CNTN5: variants seen among roughly 807,000 people sequenced by gnomAD.
The protein encoded by CNTN5 is contactin 5, also known as contactin-5.
Under a neutral mutation model 129.1 loss-of-function variants are expected in CNTN5, and 77 were observed. The observed-to-expected ratio is 0.60, with a 90% confidence interval of 0.50 to 0.72. The LOEUF is 0.72. CNTN5 is among the 30% of genes least tolerant of loss of function. CNTN5 has a pLI of 0.00. For synonymous variants in CNTN5, 509 were observed against 465.6 expected (o/e 1.09, Z -1.20); for missense variants, 1,478 against 1,328.8 (o/e 1.11, Z -1.75).
At position 99,348,894 on chromosome 11, in the gene CNTN5, A is replaced by G. The variant is rs79606043; in HGVS notation, c.-71+23410A>G. 7.0e-3 allele frequency among the ~76,000 whole-genome samples: 1,063 copies of G among 152,342 alleles called. 12 individuals carry two copies. Among genetic ancestry groups the G allele is most frequent in the African/African-American group, 0.023 (938 of 41,588 alleles). ...CATGTGTTCAATCATTGATACGTGC[A>G]TTCCACAAATACATACTGAGCACTC... On this transcript the variant is annotated intron_variant, in intron 2 of 24. Transcript: ENST00000524871.
intron 3 of CNTN5, among the ~76,000 whole-genome samples, chr11:99,618,268 TA>T (rs1168183151): frequency 6.6e-6 from 1 of 152,164 alleles, no homozygotes; most frequent in Non-Finnish European, 1.5e-5. Flanking sequence ...CACATTAATA[TA>T]AAAATTGTTG....
intron 7 of CNTN5, among the ~76,000 whole-genome samples, chr11:99,934,462 AAT>A (rs1162255949): frequency 2.0e-5 from 3 of 152,128 alleles, no homozygotes; most frequent in African/African-American, 7.2e-5. Flanking sequence ...AAAAGCAATC[AAT>A]ATATATATAA....
intron 6 of CNTN5, among the ~76,000 whole-genome samples, chr11:99,900,187 CT>C (rs71050031): frequency 1.5e-3 from 210 of 144,194 alleles, no homozygotes; most frequent in Middle Eastern, 7.2e-3. Flanking sequence ...TTCTTTTTAT[CT>C]TTTTTTTTTT....
intron 2 of CNTN5, among the ~76,000 whole-genome samples, chr11:99,338,506 C>CT (rs907202324): frequency 6.6e-6 from 1 of 151,986 alleles, no homozygotes; most frequent in Non-Finnish European, 1.5e-5. Context: ...TTGGGGATAA[C>CT]TTTTTTTGTT....
Position 99,358,999 on chromosome 11 carries a change from C to T in CNTN5, c.-71+33515C>T, listed in dbSNP as rs181893596. ...AAGTGGAAAATTTTGTTTTATATTT[C>T]AGTGTTACATTTCTTGTTGAACATT... On this transcript the variant is annotated intron_variant, in intron 2 of 24. Transcript: ENST00000524871. 2.2e-3 allele frequency among the ~76,000 whole-genome samples: 335 copies of T among 152,268 alleles called. 3 individuals carry two copies. Among genetic ancestry groups the T allele is most frequent in the African/African-American group, 7.6e-3 (315 of 41,568 alleles).
Position 100,320,666 on chromosome 11 carries a change from C to T in CNTN5, c.2730+12198C>T, listed in dbSNP as rs542975321. Among the ~76,000 whole-genome samples the T allele has an allele frequency of 3.9e-5, 6 of 152,098 alleles. No individual in the cohort carries two copies. The East Asian group carries it at 1.2e-3, about 29-fold the overall frequency. On this transcript the variant is annotated intron_variant, in intron 21 of 24. Coordinates refer to ENST00000524871, the MANE Select transcript of CNTN5 (RefSeq NM_014361.4). ...GTCATAGAGCTTTTCTCTACATTTT[C>T]TTCTAGTAGTTTTACAGTTTTATAT...
rs553507048 is a variant in CNTN5 at position 99,984,880 on chromosome 11, C to T, written c.878-17154C>T. Among the ~76,000 whole-genome samples, 8 of 152,262 alleles carry T rather than the reference C, an allele frequency of 5.3e-5. No homozygotes were observed. In the East Asian group the frequency reaches 1.5e-3, roughly 29 times the overall value. Reference sequence around the variant, plus strand: ...CTTTGTCAGACTTGCAACAGGGGCGCCCCGTTTACTCGGCCCACTGTGCTC... The same window carrying T: ...CTTTGTCAGACTTGCAACAGGGGCGTCCCGTTTACTCGGCCCACTGTGCTC... On this transcript the variant is annotated intron_variant, in intron 8 of 24. Coordinates refer to ENST00000524871, the MANE Select transcript of CNTN5 (RefSeq NM_014361.4).
chr11:99,089,367 A>G (rs1866140720), intron 1 of CNTN5, among the ~76,000 whole-genome samples: 1 of 152,236 alleles, frequency 6.6e-6, no homozygotes, highest in Non-Finnish European at 1.5e-5. Context: ...ATATAACTAT[A>G]AGCACTTTAT....
rs774797660 is a variant in CNTN5, at chr11:99,382,844, A to ATTTTTTTTTTTTTTTT, written c.-71+57360_-71+57361insTTTTTTTTTTTTTTTT. Among the ~76,000 whole-genome samples the ATTTTTTTTTTTTTTTT allele has an allele frequency of 5.6e-4, 39 of 69,394 alleles. 1 individual carries two copies. Among genetic ancestry groups the ATTTTTTTTTTTTTTTT allele is most frequent in the African/African-American group, 2.1e-3 (29 of 13,990 alleles). The allele number at this position is 69,394 out of a possible 152,430, so 45.5% of individuals were successfully genotyped here. The stretch of plus-strand genomic sequence containing the variant: ...CACATCTCACTAGTGTCTCTAAATA[A>ATTTTTTTTTTTTTTTT]CTTTTTTTTTTTTTTTTTTTTTTTT... On this transcript the variant is annotated intron_variant, in intron 2 of 24. Coordinates refer to ENST00000524871, the MANE Select transcript of CNTN5 (RefSeq NM_014361.4).
intron 3 of CNTN5, among the ~76,000 whole-genome samples, chr11:99,726,120 C>A (rs777553470): frequency 1.2e-4 from 19 of 152,130 alleles, no homozygotes; most frequent in Non-Finnish European, 2.6e-4. Context: ...TATCTCCTCT[C>A]CCTCTATCTC....
chr11:100,258,397 A>G (rs1019974427), intron 17 of CNTN5, among the ~76,000 whole-genome samples: 1 of 152,220 alleles, frequency 6.6e-6, no homozygotes, highest in Non-Finnish European at 1.5e-5. Flanking sequence ...TCCCCAACCT[A>G]GGAAGACAGG....
At chr11:99,805,802 T>TTAGCC (rs1946251627) in intron 3 of CNTN5, among the ~76,000 whole-genome samples, 1 of 152,184 alleles carries the variant, frequency 6.6e-6, no homozygotes, top group Non-Finnish European at 1.5e-5. Context: ...TCATTGAGCC[T>TTAGCC]TAGCCACTGA....
chr11:99,764,511 A>G (rs997363436), intron 3 of CNTN5, among the ~76,000 whole-genome samples: 15 of 151,976 alleles, frequency 9.9e-5, no homozygotes, highest in Non-Finnish European at 1.2e-4. Flanking sequence ...CACCTCCCAG[A>G]TTCAAGGGAT....
intron 3 of CNTN5, among the ~76,000 whole-genome samples, chr11:99,756,545 G>C (rs762108655): frequency 1.1e-4 from 16 of 152,066 alleles, no homozygotes; most frequent in Non-Finnish European, 2.2e-4. Flanking sequence ...TCCCTGCTAA[G>C]ATCACTAGAA....
At chr11:99,440,905 G>A (rs1943802054) in intron 2 of CNTN5, among the ~76,000 whole-genome samples, 1 of 152,134 alleles carries the variant, frequency 6.6e-6, no homozygotes, top group African/African-American at 2.4e-5. Context: ...ACTAATTACG[G>A]TGAACTGATT....
Position 99,056,200 on chromosome 11 carries a change from T to A in CNTN5, c.-210+34930T>A, listed in dbSNP as rs951193656. Among the ~76,000 whole-genome samples, 4 of 152,012 alleles carry A rather than the reference T, an allele frequency of 2.6e-5. No individual in the cohort carries two copies. The South Asian group carries it at 6.2e-4, about 24-fold the overall frequency. Reference sequence around the variant, plus strand: ...ACTGGTAAGCCATGTAGTATATATATAAAATGAAGTGTCTCACCAAATACG... The same window carrying A: ...ACTGGTAAGCCATGTAGTATATATAAAAAATGAAGTGTCTCACCAAATACG... On this transcript the variant is annotated intron_variant, in intron 1 of 24. Coordinates refer to ENST00000524871, the MANE Select transcript of CNTN5 (RefSeq NM_014361.4).
chr11:99,679,509 A>C (rs563943945), intron 3 of CNTN5, among the ~76,000 whole-genome samples: 5 of 152,180 alleles, frequency 3.3e-5, no homozygotes, highest in Non-Finnish European at 5.9e-5. Context: ...TGATGTTACT[A>C]TTGTAATTTT....
rs748840124 is a variant in CNTN5 at position 99,956,995 on chromosome 11, C to T, written c.863C>T (p.Thr288Ile). ...ARVLSPPTPL[T>I]LRNDGVMGEY... ...GTCCTTAGTCCTCCAACGCCACTCA[C>T]TCTGCGTAATGATGGTAAGTTGCTT... The change falls in exon 8 of 25, where the codon ACT becomes ATT. Residue 288 changes from threonine (T) to isoleucine (I), a missense_variant. Coordinates refer to ENST00000524871, the MANE Select transcript of CNTN5 (RefSeq NM_014361.4). 6.2e-7 allele frequency: 1 copy of T among 1,613,486 alleles called. No individual in the cohort carries two copies. The highest frequency in any genetic ancestry group is 1.3e-5 in the African/African-American group (1 of 74,914).
chr11:99,770,901 G>A (rs1411808343), intron 3 of CNTN5, among the ~76,000 whole-genome samples: 3 of 152,068 alleles, frequency 2.0e-5, no homozygotes, highest in African/African-American at 7.2e-5. Context: ...TTTATGATTT[G>A]AAGGTGTATC....
Sources: gnomAD v4.1 joint callset for allele counts (sites outside exome capture counted in the v4.1 genomes callset) on GRCh38, gnomAD v4.1.1 for gene constraint, MANE v1.5 for transcripts, NCBI Gene and HGNC (gene_info 2026-07-23, HGNC 2026-07-21) for gene names.